CASKIN2: variants seen among roughly 807,000 people sequenced by gnomAD.
CASKIN2 encodes the protein CASK interacting protein 2.
In CASKIN2, 41 loss-of-function variants were observed where a neutral mutation model predicts 107.1. That is an observed-to-expected ratio of 0.38 (90% CI 0.30 to 0.50). CASKIN2 has a LOEUF of 0.50. Among genes scored for constraint, CASKIN2 ranks in the 20% least tolerant of loss-of-function variants. The pLI is 0.92. For missense variants in CASKIN2, 1,546 were observed against 1,657.4 expected (o/e 0.93, Z 1.17); for synonymous variants, 724 against 705.6 (o/e 1.03, Z -0.41).
In CASKIN2 at chr17:75,502,497, A is replaced by G. The variant is rs758484423; in HGVS notation, c.2577T>C (p.Phe859=). Residue 859 remains phenylalanine (F), a synonymous_variant, in exon 18 of 20, where the codon TTT becomes TTC. Coordinates refer to ENST00000321617, the MANE Select transcript of CASKIN2 (RefSeq NM_020753.5). This position sits in a 1 kb window ranked among gnomAD's most constrained non-coding sequence, Gnocchi z 4.3. Reference sequence around the variant, plus strand: ...GGCCTTTGCGCCGGGCCCGCAGGGCAAAGGACTGGCTGCGAGGAGTCCCCC... The same window carrying G: ...GGCCTTTGCGCCGGGCCCGCAGGGCGAAGGACTGGCTGCGAGGAGTCCCCC... The part of the protein sequence containing the change: ...PARGTPRSQS[F]ALRARRKGPP... 29 of 1,463,926 alleles carry G rather than the reference A, an allele frequency of 2.0e-5. No homozygotes were observed. The highest frequency in any genetic ancestry group is 2.5e-5 in the Non-Finnish European group (28 of 1,103,490). 90.7% of individuals were successfully genotyped at this position (1,463,926 alleles called of 1,614,324 possible).
At position 75,502,019 on chromosome 17, in the gene CASKIN2, C is replaced by T. The variant is rs746688141; in HGVS notation, c.3055G>A (p.Ala1019Thr). The part of the protein sequence containing the change: ...FGVASATPGP[A>T]APLPSPTPGE... ...GGAGTTGGGGAAGGCAGTGGGGCAGCGGGGCCAGGCGTGGCACTGGCCACT... is the reference window on the plus strand; with the variant it reads ...GGAGTTGGGGAAGGCAGTGGGGCAGTGGGGCCAGGCGTGGCACTGGCCACT... The change falls in exon 18 of 20, where the codon GCT becomes ACT. Residue 1019 changes from alanine to threonine, a missense_variant. Ala to Thr is a moderately conservative substitution (Grantham distance 58, BLOSUM62 0). Coordinates refer to ENST00000321617, the MANE Select transcript of CASKIN2 (RefSeq NM_020753.5). This position sits in a 1 kb window ranked among gnomAD's most constrained non-coding sequence, Gnocchi z 4.3. The T allele has an allele frequency of 2.1e-5, 34 of 1,612,420 alleles. No homozygotes were observed. The highest frequency in any genetic ancestry group is 1.2e-4 in the South Asian group (11 of 91,066).
At position 75,504,436 on chromosome 17, in the gene CASKIN2, G is replaced by C; in HGVS notation, c.1359C>G (p.His453Gln). The C allele has an allele frequency of 6.2e-7, 1 of 1,607,396 alleles. No individual in the cohort carries two copies. Among genetic ancestry groups the C allele is most frequent in the Middle Eastern group, 1.7e-4 (1 of 6,050 alleles). ...AGEDQVLPGL[H>Q]PPSLADNLSH... is the part of the protein sequence containing the mutation. ...CCTTCCTACCTGCCAGGGACGGCGGGTGGAGTCCTGGCAGCACCTGGTCCT... is the reference window on the plus strand; with the variant it reads ...CCTTCCTACCTGCCAGGGACGGCGGCTGGAGTCCTGGCAGCACCTGGTCCT... Residue 453 changes from histidine (H) to glutamine (Q), a missense_variant, in exon 13 of 20, where the codon CAC (histidine) becomes CAG (glutamine). Physicochemically the swap from His to Gln is conservative, Grantham distance 24. Around this residue, in one of 6 missense-constraint regions of CASKIN2, gnomAD observed 1,311 missense variants for 1,311.0 expected, o/e 1.00. Coordinates refer to ENST00000321617, the MANE Select transcript of CASKIN2 (RefSeq NM_020753.5).
At position 75,514,330 on chromosome 17, in the gene CASKIN2, C is replaced by G. The variant is rs997035172; in HGVS notation, c.-404-122G>C. 9.0e-5 allele frequency: 36 copies of G among 398,644 alleles called. 1 individual carries two copies. Among genetic ancestry groups the G allele is most frequent in the Admixed American group, 6.1e-4 (14 of 23,000 alleles). 24.7% of individuals were successfully genotyped at this position (398,644 alleles called of 1,614,324 possible). A position where few individuals can be genotyped will look rare whatever the true frequency, so the allele number is the denominator to read the frequency against. The stretch of plus-strand genomic sequence containing the variant: ...GAGCCCCCAAGCCACCCTGGCTCCC[C>G]TCGGAGTCGATGGTGATGCTGAGCC... On this transcript the variant is annotated intron_variant, in intron 1 of 19. Transcript: ENST00000321617.
rs763506996 is a variant in CASKIN2 at position 75,502,952 on chromosome 17, A to G, written c.2122T>C (p.Ser708Pro). ...QESIGARSRGSGHSQEQPAPQ... is the reference protein window; with the variant it reads ...QESIGARSRGPGHSQEQPAPQ... ...GCAGGCTGTTCCTGTGAGTGGCCAG[A>G]CCCCCGTGAGCGTGCCCCGATGCTC... Residue 708 changes from serine (S) to proline (P), a missense_variant, in exon 18 of 20, where the codon TCT (serine) becomes CCT (proline). This residue lies in a region of CASKIN2 where 1,311 missense variants were observed against 1,311.0 expected (regional missense o/e 1.00). Coordinates refer to ENST00000321617, the MANE Select transcript of CASKIN2 (RefSeq NM_020753.5). The surrounding 1 kb of genome is among the most constrained non-coding windows in gnomAD (Gnocchi z 4.3). 1 of 1,580,864 alleles carries G rather than the reference A, an allele frequency of 6.3e-7. No homozygotes were observed. Among genetic ancestry groups the G allele is most frequent in the East Asian group, 2.3e-5 (1 of 44,358 alleles).
chr17:75,504,371 C>T, intron 13 of CASKIN2, 49 bp downstream of exon 13: 1 of 1,599,344 alleles, frequency 6.3e-7, no homozygotes, highest in South Asian at 1.1e-5. Context: ...CCCTCGGCCT[C>T]CTTACTTGCA....
At chr17:75,507,191 T>C in intron 4 of CASKIN2, 62 bp from the exon 5 acceptor site, 1 of 1,541,518 alleles carries the variant, frequency 6.5e-7, no homozygotes, top group Non-Finnish European at 8.7e-7. Context: ...GGAGAGGAAC[T>C]GAGCAGAGTA....
rs745989634 is a variant in CASKIN2, at chr17:75,502,366, C to T, written c.2708G>A (p.Arg903Gln). 53 of 1,467,530 alleles carry T rather than the reference C, an allele frequency of 3.6e-5. No individual in the cohort carries two copies. Among genetic ancestry groups the T allele is most frequent in the Admixed American group, 7.9e-5 (3 of 38,190 alleles). The allele number at this position is 1,467,530 out of a possible 1,614,324, so 90.9% of individuals were successfully genotyped here. A position where few individuals can be genotyped will look rare whatever the true frequency, so the allele number is the denominator to read the frequency against. Residue 903 changes from arginine to glutamine, a missense_variant, in exon 18 of 20, where the codon CGA becomes CAA. By Grantham distance (43) the Arg-to-Gln change is conservative. Coordinates refer to ENST00000321617, the MANE Select transcript of CASKIN2 (RefSeq NM_020753.5). This position sits in a 1 kb window ranked among gnomAD's most constrained non-coding sequence, Gnocchi z 4.3. ...PGPKEGATGP[R>Q]RRTLSEPAGP... ...AGCAGGTTCACTCAGTGTTCGCCTT[C>T]GGGGCCCTGTGGCCCCTTCCTTGGG...
Position 75,505,858 on chromosome 17 carries a change from G to A in CASKIN2, c.798C>T (p.Thr266=). Residue 266 remains threonine, a synonymous_variant, in exon 9 of 20, where the codon ACC becomes ACT. Coordinates refer to ENST00000321617, the MANE Select transcript of CASKIN2 (RefSeq NM_020753.5). This position sits in a 1 kb window ranked among gnomAD's most constrained non-coding sequence, Gnocchi z 5.1. ...TALDIVNQFT[T]SQASREIKQL... ...GCTTGATTTCCCGGCTGGCCTGGGA[G>A]GTGGTGAACTGATTCACTATGTCCA... The A allele has an allele frequency of 6.2e-7, 1 of 1,613,448 alleles. No homozygotes were observed. The highest frequency in any genetic ancestry group is 1.1e-5 in the South Asian group (1 of 91,062).
intron 3 of CASKIN2, 64 bp from the exon 4 acceptor site, chr17:75,507,745 T>G: frequency 7.9e-7 from 1 of 1,269,374 alleles, no homozygotes; most frequent in Non-Finnish European, 1.1e-6. Context: ...AATCCTGGTC[T>G]TCCATACCCG....
chr17:75,504,535 G>C, intron 12 of CASKIN2, 37 bp downstream of exon 12: 1 of 1,595,662 alleles, frequency 6.3e-7, no homozygotes, highest in Non-Finnish European at 8.6e-7. Context: ...GCAGTGGGGA[G>C]TGAGCCCTGA....
At position 75,502,890 on chromosome 17, in the gene CASKIN2, C is replaced by CT; in HGVS notation, c.2183dup (p.Glu729GlyfsTer13). On this transcript the variant is annotated frameshift_variant, in exon 18 of 20. Coordinates refer to ENST00000321617, the MANE Select transcript of CASKIN2 (RefSeq NM_020753.5). LOFTEE classifies it high-confidence loss of function. This position sits in a 1 kb window ranked among gnomAD's most constrained non-coding sequence, Gnocchi z 4.3. ...CTGTGCCCTCTGGGAGGTTCCTCTC[C>CT]TGGGGGGGGCTGGGATCTCCACCGC... The CT allele has an allele frequency of 6.5e-7, 1 of 1,543,152 alleles. No homozygotes were observed. Among genetic ancestry groups the CT allele is most frequent in the Non-Finnish European group, 8.7e-7 (1 of 1,144,584 alleles).
rs770539355 is a variant in CASKIN2, at chr17:75,501,818, G to A, written c.3256C>T (p.Pro1086Ser). 9.7e-6 allele frequency: 15 copies of A among 1,550,194 alleles called. No homozygotes were observed. Among genetic ancestry groups the A allele is most frequent in the Non-Finnish European group, 1.3e-5 (15 of 1,150,440 alleles). Residue 1086 changes from proline (P) to serine (S), a missense_variant, in exon 18 of 20, where the codon CCG (proline) becomes TCG (serine). Transcript: ENST00000321617. ...TTGAGGAGGGCAGCAGGGGCGGCCG[G>A]GGGTTCTGTCTCCCCATTCCACCGA... Reference protein sequence around the residue: ...ASRWNGETEPPAAPAALLKVP... With the variant: ...ASRWNGETEPSAAPAALLKVP...
In CASKIN2 at chr17:75,505,277, C is replaced by T. The variant is rs574809812; in HGVS notation, c.931-204G>A. 1.5e-6 allele frequency: 1 copy of T among 660,414 alleles called. No individual in the cohort carries two copies. Among genetic ancestry groups the T allele is most frequent in the Non-Finnish European group, 2.6e-6 (1 of 388,626 alleles). The allele number at this position is 660,414 out of a possible 1,614,324, so 40.9% of individuals were successfully genotyped here. A position where few individuals can be genotyped will look rare whatever the true frequency, so the allele number is the denominator to read the frequency against. ...TCTCCCCTGTGCCTCCAGGGCGAGC[C>T]CCAGTGGCAGCCCGTGGTCAAATCA... On this transcript the variant is annotated intron_variant, in intron 10 of 19. Transcript: ENST00000321617. This position sits in a 1 kb window ranked among gnomAD's most constrained non-coding sequence, Gnocchi z 5.1.
At chr17:75,507,809 G>A in intron 3 of CASKIN2, 128 bp from the exon 4 acceptor site, 1 of 690,722 alleles carries the variant, frequency 1.4e-6, no homozygotes, top group South Asian at 1.8e-5. Flanking sequence ...AACCCCAGCA[G>A]CCCTGCCGTG....
Position 75,501,155 on chromosome 17 carries a change from G to A in CASKIN2, c.3534C>T (p.Ser1178=). The A allele has an allele frequency of 6.3e-7, 1 of 1,589,350 alleles. No individual in the cohort carries two copies. The highest frequency in any genetic ancestry group is 1.8e-5 in the Admixed American group (1 of 55,972). Residue 1178 remains serine (S), a synonymous_variant, in exon 20 of 20, where the codon TCC becomes TCT. Transcript: ENST00000321617. ...TKEQEGTPSA[S]TKHILDDIST... is the part of the protein sequence containing the mutation. ...TGATGTCATCCAGAATGTGCTTGGT[G>A]GAGGCGCTGGGGGTGCTGCAGCAAG...
At chr17:75,511,502 G>A (rs1350993987) in intron 2 of CASKIN2, among the ~76,000 whole-genome samples, 2 of 152,060 alleles carry the variant, frequency 1.3e-5, no homozygotes, top group African/African-American at 2.4e-5. Flanking sequence ...CTTATCTACA[G>A]AACGGATATT....
chr17:75,512,935 T>C (rs1224089318), intron 2 of CASKIN2, among the ~76,000 whole-genome samples: 3 of 151,998 alleles, frequency 2.0e-5, no homozygotes, highest in Non-Finnish European at 2.9e-5. Flanking sequence ...GATATCCTCT[T>C]AAGACACGAA....
In CASKIN2 at chr17:75,505,762, C is replaced by G; in HGVS notation, c.835+59G>C. On this transcript the variant is annotated intron_variant, in intron 9 of 19. Transcript: ENST00000321617. This position sits in a 1 kb window ranked among gnomAD's most constrained non-coding sequence, Gnocchi z 5.1. Reference sequence around the variant, plus strand: ...AGGGACGTCCACTCCCCCTCCACATCCTGGTACCACTTGAGCGGCCCCAGG... The same window carrying G: ...AGGGACGTCCACTCCCCCTCCACATGCTGGTACCACTTGAGCGGCCCCAGG... 1 of 1,579,762 alleles carries G rather than the reference C, an allele frequency of 6.3e-7. No homozygotes were observed. Among genetic ancestry groups the G allele is most frequent in the African/African-American group, 1.3e-5 (1 of 74,302 alleles).
Position 75,505,990 on chromosome 17 carries a change from C to T in CASKIN2, c.727-61G>A. The T allele has an allele frequency of 7.0e-7, 1 of 1,433,742 alleles. No homozygotes were observed. Among genetic ancestry groups the T allele is most frequent in the Non-Finnish European group, 9.7e-7 (1 of 1,029,254 alleles). The allele number at this position is 1,433,742 out of a possible 1,614,324, so 88.8% of individuals were successfully genotyped here. On this transcript the variant is annotated intron_variant, in intron 8 of 19. Coordinates refer to ENST00000321617, the MANE Select transcript of CASKIN2 (RefSeq NM_020753.5). This position sits in a 1 kb window ranked among gnomAD's most constrained non-coding sequence, Gnocchi z 5.1. ...ACTTTGACACCCCTCACCCGATTCT[C>T]TCAGCTACCCGGGACATAGGTACTA...
Sources: allele counts gnomAD v4.1 joint callset (sites outside exome capture counted in the v4.1 genomes callset), GRCh38; gene constraint gnomAD v4.1.1; regional missense constraint gnomAD v4.1.1; non-coding constraint Gnocchi (gnomAD v3.1); transcripts MANE v1.5; gene names NCBI Gene and HGNC (gene_info 2026-07-23, HGNC 2026-07-21).